TMEM245: variants seen among roughly 807,000 people sequenced by gnomAD.
The protein encoded by TMEM245 is transmembrane protein 245.
TMEM245 carries 69 observed loss-of-function variants against 101.2 expected under a neutral mutation model. That is an observed-to-expected ratio of 0.68 (90% confidence interval 0.56 to 0.83). The LOEUF is 0.83. Ranked by LOEUF, TMEM245 falls within the 40% of genes least tolerant of loss-of-function variation. The pLI is 0.00. For synonymous variants in TMEM245, 537 were observed against 449.8 expected (o/e 1.19, Z -2.45); for missense variants, 1,075 against 1,092.8 (o/e 0.98, Z 0.23).
intron 3 of TMEM245, among the ~76,000 whole-genome samples, chr9:109,100,213 A>G (rs1830248849): frequency 1.3e-5 from 2 of 152,192 alleles, no homozygotes; most frequent in South Asian, 4.1e-4. Context: ...CTGATGCAAG[A>G]AGGATGAGTA....
chr9:109,068,659 C>T (rs571011759), intron 9 of TMEM245, among the ~76,000 whole-genome samples: 16 of 152,130 alleles, frequency 1.1e-4, no homozygotes, highest in African/African-American at 3.6e-4. Flanking sequence ...AAAACAAAAA[C>T]CTTCCTAAAT....
chr9:109,029,531 G>A (rs536807674), intron 17 of TMEM245, among the ~76,000 whole-genome samples: 1 of 152,332 alleles, frequency 6.6e-6, no homozygotes, highest in South Asian at 2.1e-4. Context: ...ACATAGGAAA[G>A]CTATCGGATT....
intron 1 of TMEM245, 101 bp from the exon 2 acceptor site, chr9:109,108,671 A>T (rs1360776674): frequency 2.7e-6 from 2 of 749,430 alleles, no homozygotes; most frequent in East Asian, 2.8e-5. Context: ...AATGCTCTGG[A>T]CATAGCACAG....
chr9:109,053,564 G>A (rs1306827059), intron 12 of TMEM245, among the ~76,000 whole-genome samples: 1 of 152,200 alleles, frequency 6.6e-6, no homozygotes. Context: ...AAAAGCCCAA[G>A]AGACTTACTG....
chr9:109,059,015 C>G (rs1828930658), intron 11 of TMEM245, among the ~76,000 whole-genome samples: 1 of 152,130 alleles, frequency 6.6e-6, no homozygotes, highest in African/African-American at 2.4e-5. Flanking sequence ...TGTACTTAAC[C>G]ACTTAACAAA....
chr9:109,109,436 C>A (rs375007044), intron 1 of TMEM245, among the ~76,000 whole-genome samples: 209 of 119,524 alleles, frequency 1.7e-3, no homozygotes, highest in South Asian at 2.2e-3. Flanking sequence ...TGAACCTTGC[C>A]AAAAAAAAAA....
intron 14 of TMEM245, among the ~76,000 whole-genome samples, chr9:109,044,021 T>C (rs1041148529): frequency 6.6e-6 from 1 of 152,208 alleles, no homozygotes. Flanking sequence ...TACACAACTA[T>C]ATTTAATAAT....
At chr9:109,066,687 T>C (rs1829179606) in intron 9 of TMEM245, among the ~76,000 whole-genome samples, 1 of 151,932 alleles carries the variant, frequency 6.6e-6, no homozygotes, top group Admixed American at 6.6e-5. Context: ...TTATAATTGA[T>C]ATTATATTGA....
At chr9:109,112,404 G>A (rs919173545) in intron 1 of TMEM245, among the ~76,000 whole-genome samples, 1 of 151,990 alleles carries the variant, frequency 6.6e-6, no homozygotes, top group African/African-American at 2.4e-5. Flanking sequence ...AACCAGGTAT[G>A]GTAGCATGTG....
intron 15 of TMEM245, among the ~76,000 whole-genome samples, chr9:109,037,006 A>C (rs1828147702): frequency 6.6e-6 from 1 of 152,170 alleles, no homozygotes; most frequent in African/African-American, 2.4e-5. Flanking sequence ...TGCAGGTCAG[A>C]GGGTAGGTTT....
At position 109,028,454 on chromosome 9, in the gene TMEM245, C is replaced by CAA. The variant is rs3060541; in HGVS notation, c.2594+4851_2594+4852dup. Among the ~76,000 whole-genome samples the CAA allele has an allele frequency of 8.6e-4, 119 of 137,894 alleles. 2 individuals carry two copies. Among genetic ancestry groups the CAA allele is most frequent in the East Asian group, 4.7e-3 (22 of 4,652 alleles). The allele number at this position is 137,894 out of a possible 152,430, so 90.5% of individuals were successfully genotyped here. A position where few individuals can be genotyped will look rare whatever the true frequency, so the allele number is the denominator to read the frequency against. On this transcript the variant is annotated intron_variant, in intron 17 of 17. Coordinates refer to ENST00000374586, the MANE Select transcript of TMEM245 (RefSeq NM_032012.4). ...GGGTGACAAGAGTGACACTCCATCT[C>CAA]AAAAAAAAAAAAAAAATCCAAAATG...
intron 12 of TMEM245, among the ~76,000 whole-genome samples, chr9:109,051,207 G>A (rs531755547): frequency 9.9e-5 from 15 of 151,436 alleles, no homozygotes; most frequent in Non-Finnish European, 1.6e-4. Context: ...GAGGAGAATC[G>A]CTTGAACCCA....
At chr9:109,069,163 C>G (rs1198910310) in intron 9 of TMEM245, among the ~76,000 whole-genome samples, 1 of 152,124 alleles carries the variant, frequency 6.6e-6, no homozygotes, top group Non-Finnish European at 1.5e-5. Flanking sequence ...AAAGACAAAC[C>G]TTTCTTCTAC....
chr9:109,070,175 C>A (rs72760335), intron 9 of TMEM245, among the ~76,000 whole-genome samples: 1,622 of 152,280 alleles, frequency 0.011, 17 homozygotes, highest in Middle Eastern at 0.024. Context: ...AACTCAAGAT[C>A]CAACCCAGAC....
At chr9:109,119,081 T>C (rs551899676) in intron 1 of TMEM245, among the ~76,000 whole-genome samples, 1 of 152,356 alleles carries the variant, frequency 6.6e-6, no homozygotes, top group East Asian at 1.9e-4. Flanking sequence ...TCCAGGGCAC[T>C]GTCCCCCTAA....
intron 14 of TMEM245, among the ~76,000 whole-genome samples, chr9:109,044,071 T>C (rs918172265): frequency 2.6e-5 from 4 of 152,208 alleles, no homozygotes; most frequent in African/African-American, 7.2e-5. Context: ...CTTCAAATGA[T>C]TGTTTACAAT....
rs375206826 is a variant in TMEM245, at chr9:109,098,727, A to G, written c.800-5136T>C. Among the ~76,000 whole-genome samples the G allele has an allele frequency of 9.1e-4, 139 of 152,284 alleles. 3 individuals carry two copies. In the South Asian group the frequency reaches 0.026, roughly 28 times the overall value. On this transcript the variant is annotated intron_variant, in intron 3 of 17. Coordinates refer to ENST00000374586, the MANE Select transcript of TMEM245 (RefSeq NM_032012.4). ...AACATAATCTTGGGACTCAAGGACT[A>G]AAGAAAAAAAAGGAAAGAACATCCA...
At position 109,020,388 on chromosome 9, in the gene TMEM245, G is replaced by A; in HGVS notation, c.*72C>T. Reference sequence around the variant, plus strand: ...CTTGCTAGGCACAGCTGGAAGGGCAGAGGGCCACAGCTGAGCTGAACTCGC... The same window carrying A: ...CTTGCTAGGCACAGCTGGAAGGGCAAAGGGCCACAGCTGAGCTGAACTCGC... On this transcript the variant is annotated 3_prime_UTR_variant, in exon 18 of 18. Coordinates refer to ENST00000374586, the MANE Select transcript of TMEM245 (RefSeq NM_032012.4). 2 of 1,469,180 alleles carry A rather than the reference G, an allele frequency of 1.4e-6. No homozygotes were observed. The highest frequency in any genetic ancestry group is 1.9e-6 in the Non-Finnish European group (2 of 1,047,766). 91.0% of individuals were successfully genotyped at this position (1,469,180 alleles called of 1,614,324 possible). A position where few individuals can be genotyped will look rare whatever the true frequency, so the allele number is the denominator to read the frequency against.
chr9:109,038,881 G>C (rs1828219299), intron 14 of TMEM245: 1 of 152,216 alleles, frequency 6.6e-6, no homozygotes, highest in South Asian at 2.1e-4. Context: ...GCACTATAAG[G>C]AGGGGAAATA....
Sources: allele counts gnomAD v4.1 joint callset (sites outside exome capture counted in the v4.1 genomes callset), GRCh38; gene constraint gnomAD v4.1.1; transcripts MANE v1.5; gene names NCBI Gene and HGNC (gene_info 2026-07-23, HGNC 2026-07-21).